The following STX2 variants were observed in gnomAD, a reference collection of about 807,000 sequenced individuals.
The protein encoded by STX2 is syntaxin-2.
In STX2, 27 loss-of-function variants were observed where a neutral mutation model predicts 40.6. The observed-to-expected ratio is 0.66, with a 90% CI of 0.49 to 0.92. STX2 has a LOEUF of 0.92. Ranked by LOEUF, STX2 falls within the 40% of genes least tolerant of loss-of-function variation. STX2 has a pLI of 0.00. For synonymous variants in STX2, 123 were observed against 119.1 expected (o/e 1.03, Z -0.22); for missense variants, 328 against 366.1 (o/e 0.90, Z 0.85).
intron 1 of STX2, 73 bp downstream of exon 1, chr12:130,838,996 CG>C: frequency 1.3e-5 from 10 of 779,412 alleles, no homozygotes; most frequent in East Asian, 4.1e-5. Flanking sequence ...CCGCCCAAGA[CG>C]CCCCGAGCCC....
intron 4 of STX2, among the ~76,000 whole-genome samples, chr12:130,809,866 C>G (rs1035359090): frequency 7.9e-5 from 12 of 152,154 alleles, no homozygotes; most frequent in African/African-American, 2.4e-4. Flanking sequence ...ACTTTAAAAC[C>G]CAGTAATTTG....
intron 4 of STX2, among the ~76,000 whole-genome samples, chr12:130,811,461 G>C (rs544751226): frequency 2.2e-4 from 33 of 148,248 alleles, no homozygotes; most frequent in African/African-American, 7.9e-4. Flanking sequence ...GAATAGAAAA[G>C]AATGTTATAT....
chr12:130,822,585 A>C (rs1037469475), intron 2 of STX2, among the ~76,000 whole-genome samples: 3 of 152,218 alleles, frequency 2.0e-5, no homozygotes, highest in Admixed American at 2.0e-4. Flanking sequence ...TGGAGTCATA[A>C]CATTATCTTC....
At chr12:130,806,422 G>A (rs73162867) in intron 6 of STX2, among the ~76,000 whole-genome samples, 16,644 of 152,188 alleles carry the variant, frequency 0.11, 1,131 homozygotes, top group Admixed American at 0.15. Flanking sequence ...GCAGTGGGAC[G>A]TCCTCACAGT....
chr12:130,821,031 AT>A (rs1952091733), intron 3 of STX2, among the ~76,000 whole-genome samples: 1 of 152,172 alleles, frequency 6.6e-6, no homozygotes, highest in African/African-American at 2.4e-5. Flanking sequence ...TTAATTTAAA[AT>A]CATGTCTTTT....
At chr12:130,795,607 G>A (rs1951004260) in intron 10 of STX2, among the ~76,000 whole-genome samples, 1 of 152,082 alleles carries the variant, frequency 6.6e-6, no homozygotes, top group Admixed American at 6.6e-5. Flanking sequence ...GAGTGTGCTG[G>A]TGCACGTCTG....
intron 7 of STX2, 24 bp downstream of exon 7, chr12:130,801,391 C>T (rs1187526443): frequency 6.2e-7 from 1 of 1,600,602 alleles, no homozygotes; most frequent in Non-Finnish European, 8.5e-7. Context: ...GGACATGGAG[C>T]CACAGGGCCG....
chr12:130,828,807 G>A (rs1319385561), intron 1 of STX2, among the ~76,000 whole-genome samples: 1 of 150,438 alleles, frequency 6.6e-6, no homozygotes, highest in South Asian at 2.1e-4. Flanking sequence ...GGTGGAGCTT[G>A]CAGTGAGCCG....
In STX2 at chr12:130,816,223, G is replaced by A. The variant is rs977927500; in HGVS notation, c.206-3192C>T. Among the ~76,000 whole-genome samples the A allele has an allele frequency of 5.9e-5, 9 of 152,302 alleles. No homozygotes were observed. The South Asian group carries it at 1.7e-3, about 28-fold the overall frequency. On this transcript the variant is annotated intron_variant, in intron 3 of 10. Coordinates refer to ENST00000392373, the MANE Select transcript of STX2 (RefSeq NM_194356.4). ...CTGAGGACGACTAGACTCGGGAGAC[G>A]GTCTTGAGCCACCGCGCAGCCACAG...
At chr12:130,796,969 C>G (rs555478831) in intron 9 of STX2, among the ~76,000 whole-genome samples, 2 of 152,332 alleles carry the variant, frequency 1.3e-5, no homozygotes, top group East Asian at 3.9e-4. Context: ...CGACCCACAC[C>G]TGAGCCAGGG....
At chr12:130,815,541 C>T (rs1193072127) in intron 3 of STX2, among the ~76,000 whole-genome samples, 1 of 152,220 alleles carries the variant, frequency 6.6e-6, no homozygotes, top group African/African-American at 2.4e-5. Context: ...TACAAATAAG[C>T]CCTGTTTTCA....
chr12:130,838,070 C>T (rs1163541974), intron 1 of STX2, among the ~76,000 whole-genome samples: 1 of 152,176 alleles, frequency 6.6e-6, no homozygotes, highest in Non-Finnish European at 1.5e-5. Context: ...GAGAATAATT[C>T]ATTACATGCA....
chr12:130,798,933 A>C (rs1951123865), intron 8 of STX2, among the ~76,000 whole-genome samples: 1 of 152,262 alleles, frequency 6.6e-6, no homozygotes. Flanking sequence ...CACTTTCGAC[A>C]GATGGGCAGG....
intron 10 of STX2, among the ~76,000 whole-genome samples, chr12:130,792,490 G>T (rs538823322): frequency 6.6e-6 from 1 of 152,158 alleles, no homozygotes; most frequent in Non-Finnish European, 1.5e-5. Flanking sequence ...CTGAAAGGAG[G>T]TGTCACTCTG....
At chr12:130,833,874 T>TG (rs952611241) in intron 1 of STX2, among the ~76,000 whole-genome samples, 2 of 152,196 alleles carry the variant, frequency 1.3e-5, no homozygotes, top group African/African-American at 4.8e-5. Flanking sequence ...ACCTGGCAGG[T>TG]GCTCTGGATC....
intron 1 of STX2, 69 bp from the exon 2 acceptor site, chr12:130,827,336 C>T (rs1424220740): frequency 1.6e-6 from 2 of 1,248,724 alleles, no homozygotes; most frequent in Non-Finnish European, 2.3e-6. Flanking sequence ...AACTGAAATA[C>T]AAAAACAGTT....
intron 3 of STX2, among the ~76,000 whole-genome samples, chr12:130,817,945 A>T (rs1418698296): frequency 2.0e-5 from 3 of 151,806 alleles, no homozygotes; most frequent in Non-Finnish European, 1.5e-5. Flanking sequence ...GGGTGGTCCC[A>T]GCCTGTGGTG....
chr12:130,809,149 G>A (rs529863002), intron 4 of STX2, among the ~76,000 whole-genome samples: 9 of 152,298 alleles, frequency 5.9e-5, no homozygotes, highest in Admixed American at 3.9e-4. Flanking sequence ...TTACAGGTGC[G>A]AGCCACTGCG....
At chr12:130,831,962 C>T (rs1382039984) in intron 1 of STX2, among the ~76,000 whole-genome samples, 1 of 150,356 alleles carries the variant, frequency 6.7e-6, no homozygotes, top group Non-Finnish European at 1.5e-5. Context: ...CTTCAACCTC[C>T]TGGGCTCAGG....
Sources: gnomAD v4.1 joint callset for allele counts (sites outside exome capture counted in the v4.1 genomes callset) on GRCh38, gnomAD v4.1.1 for gene constraint, MANE v1.5 for transcripts, NCBI Gene and HGNC (gene_info 2026-07-23, HGNC 2026-07-21) for gene names.